EDARADD: variants seen among roughly 807,000 people sequenced by gnomAD.
The protein encoded by EDARADD is EDAR associated via death domain.
A neutral mutation model predicts 25.6 loss-of-function variants in EDARADD; 20 were observed. That is an observed-to-expected ratio of 0.78 (90% CI 0.55 to 1.14). The LOEUF is 1.14. Ranked by LOEUF, EDARADD falls within the 50% of genes most tolerant of loss-of-function variation. The pLI, the probability that EDARADD is intolerant of heterozygous loss-of-function variation, is 0.00. For synonymous variants in EDARADD, 86 were observed against 94.4 expected (o/e 0.91, Z 0.52); for missense variants, 225 against 270.1 (o/e 0.83, Z 1.17).
intron 5 of EDARADD, among the ~76,000 whole-genome samples, chr1:236,470,589 G>T (rs1415694294): frequency 6.6e-6 from 1 of 152,104 alleles, no homozygotes; most frequent in African/African-American, 2.4e-5. Context: ...AACCACCAGA[G>T]TGTGGGTTTT....
chr1:236,398,973 G>C lies in EDARADD; in HGVS notation c.61+4468G>C, dbSNP rs1667567608. 6.6e-6 allele frequency among the ~76,000 whole-genome samples: 1 copy of C among 152,136 alleles called. No individual in the cohort carries two copies. Among genetic ancestry groups the C allele is most frequent in the African/African-American group, 2.4e-5 (1 of 41,438 alleles). ...GGCAAATACCACCTCAGTGAATGAA[G>C]GAAGGTTATAAAATTTAACCACAGG... is the stretch of plus-strand genomic sequence containing the variant. On this transcript the variant is annotated intron_variant, in intron 1 of 5. Coordinates refer to ENST00000334232, the MANE Select transcript of EDARADD (RefSeq NM_145861.4). The surrounding 1 kb of genome is among the most constrained non-coding windows in gnomAD (Gnocchi z 4.1).
upstream of EDARADD, among the ~76,000 whole-genome samples, chr1:236,391,519 C>T (rs184415882): frequency 4.3e-4 from 66 of 152,214 alleles, no homozygotes; most frequent in Admixed American, 1.0e-3. Context: ...CTCTTATGTT[C>T]CTAAATTTAT....
chr1:236,467,618 A>G (rs1298192269), intron 4 of EDARADD, among the ~76,000 whole-genome samples: 1 of 152,158 alleles, frequency 6.6e-6, no homozygotes, highest in East Asian at 1.9e-4. Flanking sequence ...TGCGATATAT[A>G]CTGAAATAAA....
intron 4 of EDARADD, among the ~76,000 whole-genome samples, chr1:236,464,698 G>A (rs1659140465): frequency 6.6e-6 from 1 of 151,968 alleles, no homozygotes; most frequent in Non-Finnish European, 1.5e-5. Context: ...CTCCCAAAAT[G>A]CTGGAATTAC....
upstream of EDARADD, among the ~76,000 whole-genome samples, chr1:236,392,665 T>G (rs1667440699): frequency 6.6e-6 from 1 of 150,736 alleles, no homozygotes; most frequent in African/African-American, 2.4e-5. Flanking sequence ...TGTATTTGTA[T>G]TTATTTATTT....
upstream of EDARADD, among the ~76,000 whole-genome samples, chr1:236,391,801 G>A (rs1000022400): frequency 6.6e-6 from 1 of 152,058 alleles, no homozygotes; most frequent in African/African-American, 2.4e-5. Context: ...TCTGATCATT[G>A]TCATCTGTTT....
At chr1:236,413,977 G>A (rs373506884) in intron 2 of EDARADD, among the ~76,000 whole-genome samples, 11 of 152,206 alleles carry the variant, frequency 7.2e-5, no homozygotes, top group East Asian at 1.9e-4. Context: ...CAGGAGGCTA[G>A]CACTGCAGAA....
chr1:236,380,694 T>C (rs1667287061), intron 3 of EDARADD, among the ~76,000 whole-genome samples: 1 of 152,212 alleles, frequency 6.6e-6, no homozygotes, highest in Admixed American at 6.5e-5. Flanking sequence ...TTATTAGCTA[T>C]TGTTATGAGC....
At chr1:236,447,066 G>A (rs538243461) in intron 4 of EDARADD, among the ~76,000 whole-genome samples, 1 of 152,240 alleles carries the variant, frequency 6.6e-6, no homozygotes, top group South Asian at 2.1e-4. Context: ...CACCTATAGC[G>A]AAATCTCTGT....
At chr1:236,406,148 G>A (rs965089217) in intron 1 of EDARADD, among the ~76,000 whole-genome samples, 3 of 151,720 alleles carry the variant, frequency 2.0e-5, no homozygotes, top group Admixed American at 6.6e-5. Context: ...TTTTTAAGCC[G>A]TATCCTCCAG....
At chr1:236,474,844 A>AT (rs1309073392) in intron 5 of EDARADD, among the ~76,000 whole-genome samples, 1 of 152,148 alleles carries the variant, frequency 6.6e-6, no homozygotes, top group African/African-American at 2.4e-5. Context: ...TAATAATCTC[A>AT]TTTTTTGGCT....
chr1:236,439,707 T>C (rs554233230), intron 4 of EDARADD, among the ~76,000 whole-genome samples: 1 of 152,352 alleles, frequency 6.6e-6, no homozygotes, highest in East Asian at 1.9e-4. Flanking sequence ...TATGTTCTTA[T>C]TGTTGAGTTT....
At position 236,409,360 on chromosome 1, in the gene EDARADD, T is replaced by C. The variant is rs1657359135; in HGVS notation, c.120+86T>C. The C allele has an allele frequency of 2.8e-6, 3 of 1,082,028 alleles. No homozygotes were observed. In the East Asian group the frequency reaches 7.2e-5, roughly 26 times the overall value. The allele number at this position is 1,082,028 out of a possible 1,614,324, so 67.0% of individuals were successfully genotyped here. On this transcript the variant is annotated intron_variant, in intron 2 of 5. Coordinates refer to ENST00000334232, the MANE Select transcript of EDARADD (RefSeq NM_145861.4). Reference sequence around the variant, plus strand: ...TTCTTTACGTTTTTATTACTCAGTATTTACATGTGCATCAGAAACCCCAAA... The same window carrying C: ...TTCTTTACGTTTTTATTACTCAGTACTTACATGTGCATCAGAAACCCCAAA...
At chr1:236,472,872 G>A (rs2103037778) in intron 5 of EDARADD, among the ~76,000 whole-genome samples, 1 of 152,284 alleles carries the variant, frequency 6.6e-6, no homozygotes, top group South Asian at 2.1e-4. Flanking sequence ...TAAAGCTCAT[G>A]CCGTTAATCT....
At chr1:236,376,599 T>A (rs1168269875) in intron 3 of EDARADD, among the ~76,000 whole-genome samples, 3 of 152,218 alleles carry the variant, frequency 2.0e-5, no homozygotes, top group Non-Finnish European at 4.4e-5. Context: ...CGAACTTTTT[T>A]CTCTGTATTT....
chr1:236,406,274 G>A (rs150036992), intron 1 of EDARADD, among the ~76,000 whole-genome samples: 11 of 152,230 alleles, frequency 7.2e-5, no homozygotes, highest in African/African-American at 2.2e-4. Context: ...AGGAACCAGC[G>A]TGTGAGAAGG....
At chr1:236,388,499 C>T (rs1667382572) in intron 3 of EDARADD, among the ~76,000 whole-genome samples, 1 of 152,196 alleles carries the variant, frequency 6.6e-6, no homozygotes, top group South Asian at 2.1e-4. Context: ...AATATTGAGA[C>T]ATTTTATCCA....
chr1:236,470,749 C>T (rs1659338689), intron 5 of EDARADD, among the ~76,000 whole-genome samples: 1 of 152,138 alleles, frequency 6.6e-6, no homozygotes, highest in African/African-American at 2.4e-5. Flanking sequence ...GCTGGGATTA[C>T]AGGCGCCCAC....
intron 3 of EDARADD, among the ~76,000 whole-genome samples, chr1:236,384,046 G>A (rs1225960761): frequency 2.6e-5 from 4 of 152,026 alleles, no homozygotes; most frequent in South Asian, 2.1e-4. Flanking sequence ...AGTTTATATC[G>A]TGTAACTTCT....
Sources: allele counts gnomAD v4.1 joint callset (sites outside exome capture counted in the v4.1 genomes callset), GRCh38; gene constraint gnomAD v4.1.1; non-coding constraint Gnocchi (gnomAD v3.1); transcripts MANE v1.5; gene names NCBI Gene and HGNC (gene_info 2026-07-23, HGNC 2026-07-21).